The following ADGRB3 variants were observed in gnomAD, a reference collection of about 807,000 sequenced individuals.
ADGRB3 encodes the protein brain-specific angiogenesis inhibitor 3.
In ADGRB3, 37 loss-of-function variants were observed where a neutral mutation model predicts 193.4. The observed-to-expected ratio is 0.19, with a 90% CI of 0.15 to 0.25. ADGRB3 has a LOEUF of 0.25. ADGRB3 is among the 10% of genes least tolerant of loss of function. ADGRB3 has a pLI of 1.00. For synonymous variants in ADGRB3, 690 were observed against 644.2 expected (o/e 1.07, Z -1.08); for missense variants, 1,637 against 1,852.9 (o/e 0.88, Z 2.14).
chr6:69,334,779 G>A (rs1294354080), intron 24 of ADGRB3, among the ~76,000 whole-genome samples: 1 of 152,126 alleles, frequency 6.6e-6, no homozygotes, highest in Non-Finnish European at 1.5e-5. Flanking sequence ...AATAAAATGG[G>A]ACTCTTTAGT....
chr6:69,334,414 T>C (rs1219535289), intron 24 of ADGRB3, among the ~76,000 whole-genome samples: 1 of 152,230 alleles, frequency 6.6e-6, no homozygotes, highest in African/African-American at 2.4e-5. Context: ...ATATCATTTA[T>C]GTAAAACATT....
chr6:69,159,012 A>G (rs550367725), intron 17 of ADGRB3, among the ~76,000 whole-genome samples: 2 of 151,932 alleles, frequency 1.3e-5, no homozygotes, highest in South Asian at 4.1e-4. Flanking sequence ...ACCATGCCTC[A>G]TGAAATTATT....
chr6:69,170,978 T>C (rs1242218482), intron 17 of ADGRB3, among the ~76,000 whole-genome samples: 14 of 152,202 alleles, frequency 9.2e-5, no homozygotes, highest in Admixed American at 7.9e-4. Flanking sequence ...CTAGTAGCCA[T>C]ACGAAAAGTA....
intron 17 of ADGRB3, among the ~76,000 whole-genome samples, chr6:69,195,205 A>G (rs1025643919): frequency 1.3e-5 from 2 of 152,058 alleles, no homozygotes; most frequent in Admixed American, 6.6e-5. Context: ...TCAAAATTGT[A>G]CCAATTGCAG....
At chr6:68,848,193 A>G (rs1469321327) in intron 3 of ADGRB3, among the ~76,000 whole-genome samples, 2 of 152,140 alleles carry the variant, frequency 1.3e-5, no homozygotes, top group African/African-American at 4.8e-5. Context: ...TCACTTTTAA[A>G]AAAACAATGA....
rs376154127 is a variant in ADGRB3, at chr6:68,783,628, AG to A, written c.757+144201del. 1.8e-4 allele frequency among the ~76,000 whole-genome samples: 27 copies of A among 151,614 alleles called. No homozygotes were observed. In the East Asian group the frequency reaches 5.1e-3, roughly 28 times the overall value. On this transcript the variant is annotated intron_variant, in intron 3 of 31. Transcript: ENST00000370598. ...AGATCTGTTGGAGGGATAGTATGGG[AG>A]GGGGAATTTTCATAAGAGAAAAGCC... is the stretch of plus-strand genomic sequence containing the variant.
At chr6:68,952,993 G>A (rs1429663054) in intron 6 of ADGRB3, among the ~76,000 whole-genome samples, 2 of 152,026 alleles carry the variant, frequency 1.3e-5, no homozygotes, top group African/African-American at 4.8e-5. Context: ...TATTATTGAT[G>A]CAGTCTTATT....
rs916364548 is a variant in ADGRB3, at chr6:69,342,908, GAT to G, written c.3459+3415_3459+3416del. The stretch of plus-strand genomic sequence containing the variant: ...TATATATTTTTTAATTTAGAGACTG[GAT>G]ATATATATATTTCTATTTCTATGTA... On this transcript the variant is annotated intron_variant, in intron 26 of 31. Coordinates refer to ENST00000370598, the MANE Select transcript of ADGRB3 (RefSeq NM_001704.3). 1.8e-4 allele frequency among the ~76,000 whole-genome samples: 27 copies of G among 151,188 alleles called. 1 individual carries two copies. Among genetic ancestry groups the G allele is most frequent in the East Asian group, 3.9e-4 (2 of 5,178 alleles).
chr6:68,891,363 A>G (rs951323339), intron 3 of ADGRB3, among the ~76,000 whole-genome samples: 3 of 152,314 alleles, frequency 2.0e-5, no homozygotes, highest in South Asian at 2.1e-4. Flanking sequence ...TTATTTTATC[A>G]TAATACTGGG....
At chr6:68,983,349 A>G (rs1305634579) in intron 10 of ADGRB3, among the ~76,000 whole-genome samples, 2 of 151,562 alleles carry the variant, frequency 1.3e-5, no homozygotes, top group African/African-American at 4.8e-5. Flanking sequence ...TTAGGCATTG[A>G]AACTTTTTGA....
intron 23 of ADGRB3, 35 bp downstream of exon 23, chr6:69,330,607 G>GAA: frequency 1.3e-6 from 2 of 1,500,278 alleles, no homozygotes; most frequent in Admixed American, 4.3e-5. Context: ...TGTTTTCTTA[G>GAA]GAAAAAAAAA....
At chr6:68,670,202 TTC>T in intron 3 of ADGRB3, among the ~76,000 whole-genome samples, 1 of 152,082 alleles carries the variant, frequency 6.6e-6, no homozygotes, top group Non-Finnish European at 1.5e-5. Context: ...TGTAAATATC[TTC>T]TCCCACTCTG....
At chr6:68,904,538 A>G (rs189600920) in intron 3 of ADGRB3, among the ~76,000 whole-genome samples, 1 of 152,184 alleles carries the variant, frequency 6.6e-6, no homozygotes, top group Non-Finnish European at 1.5e-5. Context: ...GAAACATTAC[A>G]TATGTTTTTA....
At chr6:69,326,510 C>G (rs757040897) in intron 21 of ADGRB3, among the ~76,000 whole-genome samples, 6 of 152,058 alleles carry the variant, frequency 3.9e-5, no homozygotes, top group Non-Finnish European at 8.8e-5. Flanking sequence ...CACAGACAGT[C>G]TCCGTATTTA....
rs12215945 is a variant in ADGRB3, at chr6:69,011,169, A to G, written c.1930-2869A>G. On this transcript the variant is annotated intron_variant, in intron 11 of 31. Coordinates refer to ENST00000370598, the MANE Select transcript of ADGRB3 (RefSeq NM_001704.3). ...TGTGTGTGTGTGTGTGTGTGTGTGTATATATATATTCTATATGTGTGAGAC... is the reference window on the plus strand; with the variant it reads ...TGTGTGTGTGTGTGTGTGTGTGTGTGTATATATATTCTATATGTGTGAGAC... Among the ~76,000 whole-genome samples, 345 of 136,316 alleles carry G rather than the reference A, an allele frequency of 2.5e-3. 1 individual carries two copies. Among genetic ancestry groups the G allele is most frequent in the Admixed American group, 6.5e-3 (91 of 13,938 alleles). The allele number at this position is 136,316 out of a possible 152,430, so 89.4% of individuals were successfully genotyped here. A position where few individuals can be genotyped will look rare whatever the true frequency, so the allele number is the denominator to read the frequency against.
chr6:68,786,943 T>G (rs1326252608), intron 3 of ADGRB3, among the ~76,000 whole-genome samples: 1 of 152,020 alleles, frequency 6.6e-6, no homozygotes, highest in Non-Finnish European at 1.5e-5. Context: ...ACTCATGATT[T>G]GGCTCTCTGT....
chr6:69,245,905 T>C (rs1766489767), intron 20 of ADGRB3, among the ~76,000 whole-genome samples: 1 of 152,184 alleles, frequency 6.6e-6, no homozygotes, highest in African/African-American at 2.4e-5. Context: ...AAATAATAAG[T>C]ATTATTAGAT....
chr6:68,758,068 G>C (rs1332852109), intron 3 of ADGRB3, among the ~76,000 whole-genome samples: 2 of 152,118 alleles, frequency 1.3e-5, no homozygotes, highest in South Asian at 4.1e-4. Flanking sequence ...CTACCTTCCT[G>C]TTCTGGCCTC....
intron 17 of ADGRB3, among the ~76,000 whole-genome samples, chr6:69,173,021 GT>G (rs1554164083): frequency 9.5e-6 from 1 of 104,812 alleles, no homozygotes; most frequent in South Asian, 2.4e-4. Context: ...TGGGGTTTTG[GT>G]TTTTGTTTTT....
Sources: allele counts gnomAD v4.1 joint callset (sites outside exome capture counted in the v4.1 genomes callset), GRCh38; gene constraint gnomAD v4.1.1; transcripts MANE v1.5; gene names NCBI Gene and HGNC (gene_info 2026-07-23, HGNC 2026-07-21).